Variants in CPSF4 observed in about 807,000 individuals in gnomAD.
CPSF4 encodes cleavage and polyadenylation specificity factor subunit 4.
In CPSF4, 11 loss-of-function variants were observed where a neutral mutation model predicts 37.7. That is an observed-to-expected ratio of 0.29 (90% confidence interval 0.18 to 0.48). The LOEUF is 0.48. Ranked by LOEUF, CPSF4 falls within the 20% of genes least tolerant of loss-of-function variation. The pLI, the probability that CPSF4 is intolerant of heterozygous loss-of-function variation, is 0.99. For missense variants in CPSF4, 144 were observed against 359.5 expected (o/e 0.40, Z 4.85); for synonymous variants, 132 against 135.9 (o/e 0.97, Z 0.20).
rs561905033 is a variant in CPSF4, at chr7:99,447,691, G to C, written c.155-430G>C. The C allele has an allele frequency of 3.5e-3, 1,238 of 355,444 alleles. 10 individuals are homozygous for C. The highest frequency in any genetic ancestry group is 8.9e-3 in the South Asian group (434 of 48,706). 22.0% of individuals were successfully genotyped at this position (355,444 alleles called of 1,614,324 possible). On this transcript the variant is annotated intron_variant, in intron 2 of 7. Coordinates refer to ENST00000292476, the MANE Select transcript of CPSF4 (RefSeq NM_006693.4). ...TGCAAGCTCCGCCTCCCGGGTTCAC[G>C]CTGTTGTCCTGCCTCAGCCTCCCGA...
intron 1 of CPSF4, 83 bp downstream of exon 1, chr7:99,439,268 C>G (rs1014506057): frequency 1.6e-5 from 17 of 1,046,514 alleles, no homozygotes; most frequent in African/African-American, 1.5e-4. Context: ...TCCCTCGCCT[C>G]GGTCCTGAGA....
chr7:99,445,415 A>C (rs1797405858), intron 2 of CPSF4, among the ~76,000 whole-genome samples: 1 of 151,900 alleles, frequency 6.6e-6, no homozygotes, highest in Non-Finnish European at 1.5e-5. Context: ...TCTATCTCAA[A>C]AAAAAAAAAA....
chr7:99,444,458 A>T (rs1797308623), intron 1 of CPSF4, among the ~76,000 whole-genome samples: 1 of 137,368 alleles, frequency 7.3e-6, no homozygotes, highest in Non-Finnish European at 1.6e-5. Flanking sequence ...ACCCCATCTC[A>T]AAAAAAAAAA....
At chr7:99,447,061 G>A (rs1278924754) in intron 2 of CPSF4, among the ~76,000 whole-genome samples, 1 of 151,268 alleles carries the variant, frequency 6.6e-6, no homozygotes, top group Non-Finnish European at 1.5e-5. Flanking sequence ...AAACTACTGC[G>A]ATTGCAGGTG....
At position 99,439,057 on chromosome 7, in the gene CPSF4, G is replaced by A; in HGVS notation, c.-26G>A. On this transcript the variant is annotated 5_prime_UTR_variant, in exon 1 of 8. Transcript: ENST00000292476. ...GGCTGCAGGAGACCGAGGGGGAGCC[G>A]GGCCGGTGGGGCCGCCGCCGCCGCC... is the stretch of plus-strand genomic sequence containing the variant. 5 of 1,593,140 alleles carry A rather than the reference G, an allele frequency of 3.1e-6. No homozygotes were observed. The highest frequency in any genetic ancestry group is 4.3e-6 in the Non-Finnish European group (5 of 1,171,264).
chr7:99,451,994 C>T (rs980565737), intron 5 of CPSF4, among the ~76,000 whole-genome samples: 1 of 152,216 alleles, frequency 6.6e-6, no homozygotes, highest in African/African-American at 2.4e-5. Context: ...GAGGGGCTGA[C>T]GCCAGAGTAA....
intron 5 of CPSF4, 104 bp downstream of exon 5, chr7:99,450,899 C>A: frequency 3.7e-6 from 3 of 800,260 alleles, no homozygotes; most frequent in South Asian, 1.5e-5. Context: ...TGGGTGATGT[C>A]AGTACCAGGG....
Position 99,448,566 on chromosome 7 carries a change from C to T in CPSF4, c.307+293C>T, listed in dbSNP as rs1797708296. 2 of 302,098 alleles carry T rather than the reference C, an allele frequency of 6.6e-6. No homozygotes were observed. Among genetic ancestry groups the T allele is most frequent in the South Asian group, 8.6e-5 (2 of 23,342 alleles). 18.7% of individuals were successfully genotyped at this position (302,098 alleles called of 1,614,324 possible). ...CTGCCTGCCTCAGCCTCCCAAAGTG[C>T]TGGGATTACAGGCGTGAGCCACCAC... On this transcript the variant is annotated intron_variant, in intron 3 of 7. Coordinates refer to ENST00000292476, the MANE Select transcript of CPSF4 (RefSeq NM_006693.4). This position sits in a 1 kb window ranked among gnomAD's most constrained non-coding sequence, Gnocchi z 4.4.
chr7:99,443,939 T>C (rs968109198), intron 1 of CPSF4, among the ~76,000 whole-genome samples: 1 of 151,600 alleles, frequency 6.6e-6, no homozygotes, highest in Non-Finnish European at 1.5e-5. Context: ...AAAAAAAAAA[T>C]TGTGTACGGA....
In CPSF4 at chr7:99,456,848, T is replaced by C. The variant is rs115904935; in HGVS notation, c.*348T>C. 1.6e-3 allele frequency: 630 copies of C among 399,872 alleles called. 3 individuals are homozygous for C. The highest frequency in any genetic ancestry group is 0.012 in the African/African-American group (588 of 48,594). 24.8% of individuals were successfully genotyped at this position (399,872 alleles called of 1,614,324 possible). ...TGTGTGGCGGTGGTCATTCCCCTCA[T>C]TAAACACCAGTTCTTGGTGACGCCA... On this transcript the variant is annotated 3_prime_UTR_variant, in exon 8 of 8. Transcript: ENST00000292476.
intron 2 of CPSF4, chr7:99,447,795 C>T (rs1189932938): frequency 1.5e-5 from 7 of 461,306 alleles, no homozygotes; most frequent in South Asian, 1.1e-4. Flanking sequence ...TTCACCGTGA[C>T]AGCCAGGATG....
intron 2 of CPSF4, 109 bp downstream of exon 2, chr7:99,444,948 A>ATGCTTT: frequency 1.1e-6 from 1 of 936,586 alleles, no homozygotes; most frequent in Admixed American, 1.9e-5. Context: ...CTTTCTACAG[A>ATGCTTT]CTAACGATCT....
At chr7:99,451,336 G>A (rs1490697206) in intron 5 of CPSF4, among the ~76,000 whole-genome samples, 1 of 152,222 alleles carries the variant, frequency 6.6e-6, no homozygotes, top group African/African-American at 2.4e-5. Flanking sequence ...GCTGGGTGTG[G>A]TGGCTCACGC....
rs184612530 is a variant in CPSF4 at position 99,456,521 on chromosome 7, G to T, written c.*21G>T. The T allele has an allele frequency of 2.5e-6, 4 of 1,611,566 alleles. No homozygotes were observed. The highest frequency in any genetic ancestry group is 2.5e-6 in the Non-Finnish European group (3 of 1,178,084). On this transcript the variant is annotated 3_prime_UTR_variant, in exon 8 of 8. Coordinates refer to ENST00000292476, the MANE Select transcript of CPSF4 (RefSeq NM_006693.4). ...AGTGACAGCAGCTGGAGCCAGCTCC[G>T]AGCAGCCCGGGGGCCCCGCTGTTGG...
intron 5 of CPSF4, 44 bp from the exon 6 acceptor site, chr7:99,452,324 C>T (rs1456700142): frequency 1.3e-6 from 2 of 1,527,342 alleles, no homozygotes; most frequent in Admixed American, 3.4e-5. Context: ...CCCCTGACCC[C>T]ACTCCTTCTC....
chr7:99,440,655 C>CATATATATATATATATATATAT (rs1228721219), intron 1 of CPSF4, among the ~76,000 whole-genome samples: 10 of 90,582 alleles, frequency 1.1e-4, no homozygotes, highest in African/African-American at 5.1e-4. Context: ...CTGCACCTGG[C>CATATATATATATATATATATAT]ATATATATAT....
At chr7:99,441,417 G>A in intron 1 of CPSF4, 1 of 456,308 alleles carries the variant, frequency 2.2e-6, no homozygotes, top group Non-Finnish European at 4.4e-6. Flanking sequence ...GACACACCTA[G>A]CCATGGGTGT....
intron 4 of CPSF4, 126 bp from the exon 5 acceptor site, chr7:99,450,576 C>T: frequency 1.2e-6 from 1 of 845,350 alleles, no homozygotes; most frequent in South Asian, 1.5e-5. Context: ...ATAAGGAGGC[C>T]AGTGTTGGGA....
At chr7:99,452,529 A>AC in intron 6 of CPSF4, 89 bp downstream of exon 6, 1 of 1,175,840 alleles carries the variant, frequency 8.5e-7, no homozygotes, top group Non-Finnish European at 1.3e-6. Flanking sequence ...TCTGCCTTAG[A>AC]CCCCGCTGGA....
Sources: gnomAD v4.1 joint callset for allele counts (sites outside exome capture counted in the v4.1 genomes callset) on GRCh38, gnomAD v4.1.1 for gene constraint, Gnocchi (gnomAD v3.1) non-coding constraint, MANE v1.5 for transcripts, NCBI Gene and HGNC (gene_info 2026-07-23, HGNC 2026-07-21) for gene names.